MUC5B: variants seen among roughly 807,000 people sequenced by gnomAD.
MUC5B encodes the protein mucin 5B, oligomeric mucus/gel-forming.
In MUC5B, 116 loss-of-function variants were observed where a neutral mutation model predicts 376.9. That is an observed-to-expected ratio of 0.31 (90% CI 0.26 to 0.36). MUC5B has a LOEUF of 0.36. MUC5B is among the 10% of genes least tolerant of loss of function. The pLI, the probability that MUC5B is intolerant of heterozygous loss-of-function variation, is 1.00. For missense variants in MUC5B, 7,165 were observed against 7,769.9 expected (o/e 0.92, Z 2.93); for synonymous variants, 3,517 against 3,390.9 (o/e 1.04, Z -1.29).
rs767967047 is a variant in MUC5B at position 1,241,326 on chromosome 11, G to A, written c.4446G>A (p.Ser1482=). ...TCCGGTCGACGGCGGCCCTCACCTC[G>A]CAGACTGGGTCCAGCTCAGGCCCCG... The part of the protein sequence containing the change: ...PSIRSTAALT[S]QTGSSSGPVT... The change falls in exon 31 of 49, where the codon TCG becomes TCA. Residue 1482 remains serine, a synonymous_variant. Transcript: ENST00000529681. 42 of 1,608,960 alleles carry A rather than the reference G, an allele frequency of 2.6e-5. No homozygotes were observed. Among genetic ancestry groups the A allele is most frequent in the Admixed American group, 5.1e-5 (3 of 59,130 alleles).
At position 1,244,277 on chromosome 11, in the gene MUC5B, C is replaced by G. The variant is rs1489523954; in HGVS notation, c.7397C>G (p.Thr2466Arg). 22 of 1,607,824 alleles carry G rather than the reference C, an allele frequency of 1.4e-5. No homozygotes were observed. The highest frequency in any genetic ancestry group is 1.8e-5 in the Non-Finnish European group (21 of 1,177,544). The change falls in exon 31 of 49, where the codon ACA becomes AGA. Residue 2466 changes from threonine to arginine, a missense_variant. By Grantham distance (71) the Thr-to-Arg change is moderately conservative. Coordinates refer to ENST00000529681, the MANE Select transcript of MUC5B (RefSeq NM_002458.3). The part of the protein sequence containing the change: ...SSTPGTTWIL[T>R]EPSTTATVTV... ...ACCCCAGGGACCACCTGGATCCTCA[C>G]AGAGCCGAGCACTACAGCCACCGTG...
At chr11:1,231,863 G>T in intron 14 of MUC5B, 133 bp from the exon 15 acceptor site, 2 of 1,280,182 alleles carry the variant, frequency 1.6e-6, no homozygotes, top group Non-Finnish European at 2.1e-6. Flanking sequence ...TATCTGCAGA[G>T]GGTTCTGGGA....
chr11:1,225,871 CA>C, intron 2 of MUC5B, 134 bp downstream of exon 2: 1 of 824,618 alleles, frequency 1.2e-6, no homozygotes, highest in Non-Finnish European at 1.9e-6. Flanking sequence ...CTGCCCAGGA[CA>C]ATACCCAGCA....
Position 1,226,835 on chromosome 11 carries a change from G to A in MUC5B, c.420G>A (p.Val140=). Residue 140 remains valine (V), a synonymous_variant, in exon 4 of 49, where the codon GTG becomes GTA. Transcript: ENST00000529681. ...TTGTCATCAAGGCCCAGGGGCTGGTGCTGGAGGCGTCCAACGGCTCCGTCC... is the reference window on the plus strand; with the variant it reads ...TTGTCATCAAGGCCCAGGGGCTGGTACTGGAGGCGTCCAACGGCTCCGTCC... ...TRVVIKAQGL[V]LEASNGSVLI... 1 of 1,609,682 alleles carries A rather than the reference G, an allele frequency of 6.2e-7. No individual in the cohort carries two copies. Among genetic ancestry groups the A allele is most frequent in the Non-Finnish European group, 8.5e-7 (1 of 1,179,770 alleles).
rs1861990188 is a variant in MUC5B at position 1,230,140 on chromosome 11, C to T, written c.1356C>T (p.Ser452=). The T allele has an allele frequency of 6.2e-7, 1 of 1,600,634 alleles. No individual in the cohort carries two copies. Among genetic ancestry groups the T allele is most frequent in the Middle Eastern group, 1.7e-4 (1 of 6,004 alleles). Residue 452 remains serine (S), a synonymous_variant, in exon 11 of 49, where the codon TCC becomes TCT. Coordinates refer to ENST00000529681, the MANE Select transcript of MUC5B (RefSeq NM_002458.3). The part of the protein sequence containing the change: ...DLHGDCSYVL[S]KKCADSSFTV... Reference sequence around the variant, plus strand: ...ATGGTGACTGCAGCTACGTTCTGTCCAAGGTCTGGGCTTGGGGCCGGGTCT... The same window carrying T: ...ATGGTGACTGCAGCTACGTTCTGTCTAAGGTCTGGGCTTGGGGCCGGGTCT...
intron 29 of MUC5B, 36 bp downstream of exon 29, chr11:1,240,124 G>C: frequency 6.4e-7 from 1 of 1,566,032 alleles, no homozygotes; most frequent in Non-Finnish European, 8.7e-7. Context: ...GGCCGGTGAA[G>C]GCTGGGGCCA....
chr11:1,236,650 C>T, intron 24 of MUC5B, 88 bp downstream of exon 24: 1 of 1,392,986 alleles, frequency 7.2e-7, no homozygotes, highest in South Asian at 1.4e-5. Context: ...GTGGGACTCG[C>T]TGACCCGTGG....
At chr11:1,228,284 C>G (rs1214121629) in intron 7 of MUC5B, among the ~76,000 whole-genome samples, 2 of 152,228 alleles carry the variant, frequency 1.3e-5, no homozygotes, top group Non-Finnish European at 2.9e-5. Flanking sequence ...TCCACCTCCC[C>G]TCCTTGGCTC....
intron 25 of MUC5B, among the ~76,000 whole-genome samples, chr11:1,237,462 C>T (rs567386425): frequency 6.6e-6 from 1 of 152,320 alleles, no homozygotes; most frequent in South Asian, 2.1e-4. Flanking sequence ...CCCTAGCCAC[C>T]CTCCTCTATG....
rs370584503 is a variant in MUC5B at position 1,251,667 on chromosome 11, G to C, written c.14787G>C (p.Leu4929=). The change falls in exon 31 of 49, where the codon CTG becomes CTC. Residue 4929 remains leucine (L), a synonymous_variant. Coordinates refer to ENST00000529681, the MANE Select transcript of MUC5B (RefSeq NM_002458.3). ...STVSSSVLTT[L]RPTGFPSSHF... is the part of the protein sequence containing the mutation. Reference sequence around the variant, plus strand: ...TGTCCTCCTCAGTCCTCACCACCCTGAGACCCACTGGCTTCCCCAGCTCCC... The same window carrying C: ...TGTCCTCCTCAGTCCTCACCACCCTCAGACCCACTGGCTTCCCCAGCTCCC... 1.3e-5 allele frequency: 21 copies of C among 1,612,932 alleles called. No homozygotes were observed. The highest frequency in any genetic ancestry group is 1.6e-5 in the Non-Finnish European group (19 of 1,179,784).
rs200294410 is a variant in MUC5B, at chr11:1,233,057, G to A, written c.2110G>A (p.Val704Met). The change falls in exon 18 of 49, where the codon GTG becomes ATG. Residue 704 changes from valine to methionine, a missense_variant. By Grantham distance (21) the Val-to-Met change is conservative. Transcript: ENST00000529681. ...CCCCAAGTCCCAGCGCTACGCCTAC[G>A]TGGTGGATGCCTGCCAGCCCACTTG... ...NCPKSQRYAY[V>M]VDACQPTCRG... The A allele has an allele frequency of 5.0e-4, 810 of 1,604,940 alleles. No homozygotes were observed. The highest frequency in any genetic ancestry group is 6.5e-4 in the Non-Finnish European group (766 of 1,178,728).
rs1286562429 is a variant in MUC5B, at chr11:1,254,739, G to A, written c.15523G>A (p.Gly5175Ser). The change falls in exon 35 of 49, where the codon GGC (glycine) becomes AGC (serine). Residue 5175 changes from glycine (G) to serine (S), a missense_variant. Around this residue, in one of 31 missense-constraint regions of MUC5B, gnomAD observed 842 missense variants for 1,016.9 expected, o/e 0.83. Coordinates refer to ENST00000529681, the MANE Select transcript of MUC5B (RefSeq NM_002458.3). Reference protein sequence around the residue: ...IPVSSGFSKNGVLVSVLGTTT... With the variant: ...IPVSSGFSKNSVLVSVLGTTT... ...GGTGAGCAGCGGTTTCAGCAAGAACGGCGTGCTTGTGTCTGTGCTGGGGAC... is the reference window on the plus strand; with the variant it reads ...GGTGAGCAGCGGTTTCAGCAAGAACAGCGTGCTTGTGTCTGTGCTGGGGAC... 1.1e-5 allele frequency: 17 copies of A among 1,612,774 alleles called. No homozygotes were observed. Among genetic ancestry groups the A allele is most frequent in the South Asian group, 3.3e-5 (3 of 91,082 alleles).
rs375737227 is a variant in MUC5B, at chr11:1,245,148, G to A, written c.8268G>A (p.Gly2756=). The change falls in exon 31 of 49, where the codon GGG becomes GGA. Residue 2756 remains glycine, a synonymous_variant. Transcript: ENST00000529681. Reference sequence around the variant, plus strand: ...CGAACACCACGGCCACCACACACGGGCGATCCCTGTCCCCCAGCAGTCCCC... The same window carrying A: ...CGAACACCACGGCCACCACACACGGACGATCCCTGTCCCCCAGCAGTCCCC... The part of the protein sequence containing the change: ...PVPNTTATTH[G]RSLSPSSPHT... 1.9e-3 allele frequency: 2,911 copies of A among 1,556,870 alleles called. 58 individuals carry two copies. The African/African-American group carries it at 0.031, about 17-fold the overall frequency.
At chr11:1,233,566 C>A (rs1312828795) in intron 18 of MUC5B, among the ~76,000 whole-genome samples, 1 of 152,202 alleles carries the variant, frequency 6.6e-6, no homozygotes, top group Non-Finnish European at 1.5e-5. Flanking sequence ...AAAGGCCGCT[C>A]CTAACCCCAG....
Position 1,242,423 on chromosome 11 carries a change from C to T in MUC5B, c.5543C>T (p.Thr1848Ile). ...VSIDQVGQVLTCSLETGLTCK... is the reference protein window; with the variant it reads ...VSIDQVGQVLICSLETGLTCK... The stretch of plus-strand genomic sequence containing the variant: ...ATCGACCAGGTCGGGCAGGTGCTGA[C>T]CTGCAGCCTGGAGACGGGGCTGACC... Residue 1848 changes from threonine (T) to isoleucine (I), a missense_variant, in exon 31 of 49, where the codon ACC becomes ATC. This residue lies in a region of MUC5B where 897 missense variants were observed against 779.6 expected (regional missense o/e 1.15). Coordinates refer to ENST00000529681, the MANE Select transcript of MUC5B (RefSeq NM_002458.3). 6.2e-7 allele frequency: 1 copy of T among 1,613,798 alleles called. No individual in the cohort carries two copies. The highest frequency in any genetic ancestry group is 1.3e-5 in the African/African-American group (1 of 74,986).
chr11:1,224,730 G>A (rs1333588016), intron 1 of MUC5B, among the ~76,000 whole-genome samples: 1 of 152,138 alleles, frequency 6.6e-6, no homozygotes, highest in Non-Finnish European at 1.5e-5. Context: ...AGTCAACCTG[G>A]ATCTCTGGAG....
intron 13 of MUC5B, 24 bp downstream of exon 13, chr11:1,231,029 C>T (rs752302373): frequency 1.7e-5 from 27 of 1,564,948 alleles, no homozygotes; most frequent in East Asian, 1.4e-4. Context: ...CCAGGACGGC[C>T]GGGCTGGGTG....
intron 47 of MUC5B, 29 bp downstream of exon 47, chr11:1,260,422 C>T (rs767937543): frequency 3.1e-6 from 5 of 1,611,398 alleles, no homozygotes; most frequent in Non-Finnish European, 4.2e-6. Context: ...CCCACACCAG[C>T]CCTCCAGCTC....
chr11:1,255,082 G>T lies in MUC5B; in HGVS notation c.15706G>T (p.Asp5236Tyr). 6.3e-7 allele frequency: 1 copy of T among 1,595,718 alleles called. No homozygotes were observed. Among genetic ancestry groups the T allele is most frequent in the Non-Finnish European group, 8.5e-7 (1 of 1,172,164 alleles). Residue 5236 changes from aspartate to tyrosine, a missense_variant, in exon 36 of 49, where the codon GAC becomes TAC. This residue lies in a region of MUC5B where 842 missense variants were observed against 1,016.9 expected (regional missense o/e 0.83). Coordinates refer to ENST00000529681, the MANE Select transcript of MUC5B (RefSeq NM_002458.3). ...CCAGAGGGACGACTGTCTCCAGCGG[G>T]ACGGAACCACTGCCGCCAGTTGCAA... ...NNQRDDCLQR[D>Y]GTTAASCKDM...
Sources: gnomAD v4.1 joint callset for allele counts (sites outside exome capture counted in the v4.1 genomes callset) on GRCh38, gnomAD v4.1.1 for gene constraint, gnomAD v4.1.1 regional missense constraint, MANE v1.5 for transcripts, NCBI Gene and HGNC (gene_info 2026-07-23, HGNC 2026-07-21) for gene names.